Variants in MROH1 observed in about 807,000 individuals in gnomAD.
MROH1 encodes the protein maestro heat like repeat family member 1, also known as maestro heat-like repeat-containing protein family member 1.
MROH1 carries 117 observed loss-of-function variants against 116.5 expected under a neutral mutation model. The ratio of observed to expected loss-of-function variants is 1.00; its 90% CI spans 0.86 to 1.17. The LOEUF is 1.17. MROH1 is among the 50% of genes most tolerant of loss of function. MROH1 has a pLI of 0.00. For synonymous variants in MROH1, 921 were observed against 583.9 expected (o/e 1.58, Z -8.32); for missense variants, 1,873 against 1,338.5 (o/e 1.40, Z -6.23).
chr8:144,198,985 C>A, intron 10 of MROH1, 137 bp from the exon 11 acceptor site: 2 of 733,906 alleles, frequency 2.7e-6, no homozygotes, highest in Non-Finnish European at 2.3e-6. Flanking sequence ...GAGCCTGGAG[C>A]GCCCGCTGCA....
chr8:144,184,941 C>T (rs1332494578), intron 7 of MROH1, among the ~76,000 whole-genome samples: 1 of 152,190 alleles, frequency 6.6e-6, no homozygotes. Flanking sequence ...CAGGAGTCCC[C>T]ACCCCCTGCA....
chr8:144,207,609 G>A (rs1368945278), intron 12 of MROH1, among the ~76,000 whole-genome samples: 1 of 152,090 alleles, frequency 6.6e-6, no homozygotes, highest in African/African-American at 2.4e-5. Context: ...GGGCTCAAGC[G>A]ATCCTTCTGC....
intron 12 of MROH1, among the ~76,000 whole-genome samples, chr8:144,219,494 G>A (rs1424859367): frequency 1.3e-5 from 2 of 152,078 alleles, no homozygotes; most frequent in Non-Finnish European, 2.9e-5. Flanking sequence ...ATACTTCCCA[G>A]TTCTGAGGCT....
intron 3 of MROH1, among the ~76,000 whole-genome samples, chr8:144,167,855 A>G (rs956684525): frequency 1.3e-5 from 2 of 152,002 alleles, no homozygotes; most frequent in African/African-American, 4.8e-5. Flanking sequence ...GCCATGGGGA[A>G]CCCCAGGCTG....
chr8:144,195,417 G>C (rs1829638566), intron 10 of MROH1, among the ~76,000 whole-genome samples: 1 of 146,494 alleles, frequency 6.8e-6, no homozygotes, highest in South Asian at 2.2e-4. Context: ...CAGGAGAATG[G>C]CATGAACCCT....
chr8:144,230,502 C>CTTT (rs111658619), intron 14 of MROH1, among the ~76,000 whole-genome samples: 26 of 132,392 alleles, frequency 2.0e-4, no homozygotes, highest in African/African-American at 6.3e-4. Context: ...TCATTTCTGG[C>CTTT]TTTTTTTTTT....
At chr8:144,176,445 AG>A (rs1208306925) in intron 4 of MROH1, among the ~76,000 whole-genome samples, 1 of 146,344 alleles carries the variant, frequency 6.8e-6, no homozygotes, top group Non-Finnish European at 1.5e-5. Flanking sequence ...TTGTGGCAGG[AG>A]GGTCTCTTGA....
intron 12 of MROH1, 61 bp from the exon 13 acceptor site, chr8:144,220,539 G>C: frequency 6.8e-7 from 1 of 1,475,736 alleles, no homozygotes; most frequent in Non-Finnish European, 9.2e-7. Flanking sequence ...TGGTGATGTG[G>C]AATGGACCTT....
chr8:144,153,837 T>G (rs1817419027), intron 1 of MROH1, among the ~76,000 whole-genome samples: 1 of 152,176 alleles, frequency 6.6e-6, no homozygotes, highest in Non-Finnish European at 1.5e-5. Flanking sequence ...CTTGGCTCAC[T>G]GCAACCTCTT....
chr8:144,179,901 CAG>C (rs1449773351), intron 5 of MROH1, among the ~76,000 whole-genome samples: 3 of 151,946 alleles, frequency 2.0e-5, no homozygotes, highest in South Asian at 2.1e-4. Flanking sequence ...GCCTAACTCT[CAG>C]GGCACTGAGT....
At chr8:144,212,509 AC>A (rs1425242950) in intron 12 of MROH1, among the ~76,000 whole-genome samples, 1 of 151,116 alleles carries the variant, frequency 6.6e-6, no homozygotes, top group Non-Finnish European at 1.5e-5. Flanking sequence ...TAGATAAAAT[AC>A]CTTATGAGTT....
At chr8:144,238,901 G>C (rs1840494404) in intron 15 of MROH1, 38 bp downstream of exon 15, 1 of 769,960 alleles carries the variant, frequency 1.3e-6, no homozygotes. Context: ...GGCGACAACA[G>C]AGCTCTCCAG....
chr8:144,204,782 A>G (rs1832474393), intron 12 of MROH1, among the ~76,000 whole-genome samples: 1 of 152,182 alleles, frequency 6.6e-6, no homozygotes, highest in African/African-American at 2.4e-5. Flanking sequence ...ACAGTGATTC[A>G]TTTTGCCTGT....
At chr8:144,238,269 T>C (rs1429287187) in intron 14 of MROH1, among the ~76,000 whole-genome samples, 1 of 152,024 alleles carries the variant, frequency 6.6e-6, no homozygotes, top group African/African-American at 2.4e-5. Flanking sequence ...GTGGTTGAGC[T>C]TTTACTTTTT....
chr8:144,183,504 A>G (rs1826188768), intron 7 of MROH1, among the ~76,000 whole-genome samples: 1 of 151,658 alleles, frequency 6.6e-6, no homozygotes, highest in South Asian at 2.1e-4. Context: ...TGAGTTGACC[A>G]GCATCCTTCT....
rs2133255265 is a variant in MROH1, at chr8:144,254,998, C to G, written c.3594+20C>G. The G allele has an allele frequency of 2.7e-6, 2 of 739,292 alleles. 1 individual carries two copies. Among genetic ancestry groups the G allele is most frequent in the Middle Eastern group, 7.0e-4 (2 of 2,870 alleles). 45.8% of individuals were successfully genotyped at this position (739,292 alleles called of 1,614,324 possible). A position where few individuals can be genotyped will look rare whatever the true frequency, so the allele number is the denominator to read the frequency against. The stretch of plus-strand genomic sequence containing the variant: ...CTCTCGGTGAGTCGGGCTCTCGGGG[C>G]CACCTTGACACGCTGTCCCTGCCCC... On this transcript the variant is annotated intron_variant, in intron 34 of 43. Transcript: ENST00000326134.
chr8:144,161,645 T>A (rs933929945), intron 2 of MROH1, among the ~76,000 whole-genome samples: 1 of 152,192 alleles, frequency 6.6e-6, no homozygotes, highest in Admixed American at 6.6e-5. Flanking sequence ...GTCCAGTTTT[T>A]TAGTTGTCCT....
At chr8:144,224,142 C>T (rs899066293) in intron 14 of MROH1, among the ~76,000 whole-genome samples, 12 of 152,044 alleles carry the variant, frequency 7.9e-5, no homozygotes, top group African/African-American at 2.9e-4. Context: ...TCTTTCAGTT[C>T]CCAAGAGTTT....
At chr8:144,181,278 A>AGGGATGGGGGAGGGGCCCG (rs1554792506) in intron 7 of MROH1, among the ~76,000 whole-genome samples, 1 of 95,742 alleles carries the variant, frequency 1.0e-5, no homozygotes, top group Non-Finnish European at 2.0e-5. Flanking sequence ...GGGAGGACCC[A>AGGGATGGGGGAGGGGCCCG]GTGATGGGGG....
Sources: allele counts gnomAD v4.1 joint callset (sites outside exome capture counted in the v4.1 genomes callset), GRCh38; gene constraint gnomAD v4.1.1; transcripts MANE v1.5; gene names NCBI Gene and HGNC (gene_info 2026-07-23, HGNC 2026-07-21).